The following TMEM45A variants were observed in gnomAD, a reference collection of about 807,000 sequenced individuals.
TMEM45A encodes the protein DNA polymerase-transactivated protein 4.
A neutral mutation model predicts 32.0 loss-of-function variants in TMEM45A; 25 were observed. The ratio of observed to expected loss-of-function variants is 0.78; its 90% confidence interval spans 0.57 to 1.09. The LOEUF (loss-of-function observed/expected upper bound fraction) is 1.09, where lower values mean the gene tolerates loss of function less well. Ranked by LOEUF, TMEM45A falls within the 50% of genes least tolerant of loss-of-function variation. The pLI is 0.00. For synonymous variants in TMEM45A, 122 were observed against 114.8 expected (o/e 1.06, Z -0.40); for missense variants, 302 against 325.0 (o/e 0.93, Z 0.54).
At chr3:100,570,742 A>C (rs536903968) in intron 5 of TMEM45A, 16 of 152,320 alleles carry the variant, frequency 1.1e-4, no homozygotes, top group Non-Finnish European at 2.2e-4. Flanking sequence ...CCTGTTTCAA[A>C]ACGCTTCATA....
At chr3:100,505,440 G>T (rs1708065633) in intron 1 of TMEM45A, among the ~76,000 whole-genome samples, 1 of 152,156 alleles carries the variant, frequency 6.6e-6, no homozygotes, top group African/African-American at 2.4e-5. Flanking sequence ...CTAATTAATT[G>T]CCATGGCAAT....
At position 100,501,233 on chromosome 3, in the gene TMEM45A, C is replaced by T. The variant is rs920275391; in HGVS notation, c.-4+8305C>T. Among the ~76,000 whole-genome samples, 7 of 152,330 alleles carry T rather than the reference C, an allele frequency of 4.6e-5. No individual in the cohort carries two copies. The East Asian group carries it at 1.4e-3, about 29-fold the overall frequency. On this transcript the variant is annotated intron_variant, in intron 1 of 5. Coordinates refer to ENST00000323523, the MANE Select transcript of TMEM45A (RefSeq NM_018004.3). ...AGATAGCACATTGCCCTTGAGAATT[C>T]TACAGACTAGTCCTGTGGTACCTAA... is the stretch of plus-strand genomic sequence containing the variant.
chr3:100,531,836 A>G (rs1329881492), intron 1 of TMEM45A, among the ~76,000 whole-genome samples: 1 of 152,186 alleles, frequency 6.6e-6, no homozygotes, highest in Non-Finnish European at 1.5e-5. Context: ...AGCAAAAATC[A>G]TTTTTTGTTA....
At chr3:100,516,404 G>C (rs541996614) in intron 1 of TMEM45A, among the ~76,000 whole-genome samples, 1 of 152,222 alleles carries the variant, frequency 6.6e-6, no homozygotes, top group Non-Finnish European at 1.5e-5. Flanking sequence ...TGATGAAACT[G>C]CTTCTGTGCC....
chr3:100,509,913 G>A (rs897018365), intron 1 of TMEM45A, among the ~76,000 whole-genome samples: 7 of 152,178 alleles, frequency 4.6e-5, no homozygotes, highest in African/African-American at 1.7e-4. Context: ...TTTCCAACGG[G>A]CTTAAAAAAC....
At chr3:100,547,407 A>G (rs1387782818) in intron 1 of TMEM45A, among the ~76,000 whole-genome samples, 1 of 152,214 alleles carries the variant, frequency 6.6e-6, no homozygotes, top group Non-Finnish European at 1.5e-5. Context: ...GGTGTAAGCC[A>G]CTGCACCTGG....
intron 5 of TMEM45A, 34 bp from the exon 6 acceptor site, chr3:100,576,891 C>A: frequency 6.6e-7 from 1 of 1,504,380 alleles, no homozygotes; most frequent in Non-Finnish European, 9.2e-7. Flanking sequence ...ATTTTAAAAA[C>A]CGTCTAACTT....
rs573608138 is a variant in TMEM45A at position 100,519,839 on chromosome 3, T to C, written c.-4+26911T>C. 2.0e-4 allele frequency among the ~76,000 whole-genome samples: 30 copies of C among 152,358 alleles called. No individual in the cohort carries two copies. The South Asian group carries it at 2.9e-3, about 15-fold the overall frequency. On this transcript the variant is annotated intron_variant, in intron 1 of 5. Transcript: ENST00000323523. ...GTTGGGATCTAGCATTGTGGGTGGATAGGAAGAGTTGATGTTGAAGATATG... is the reference window on the plus strand; with the variant it reads ...GTTGGGATCTAGCATTGTGGGTGGACAGGAAGAGTTGATGTTGAAGATATG...
chr3:100,514,140 G>A (rs1221911324), intron 1 of TMEM45A, among the ~76,000 whole-genome samples: 2 of 152,092 alleles, frequency 1.3e-5, no homozygotes, highest in Middle Eastern at 3.2e-3. Context: ...AAGTTCATAT[G>A]GAACCAAAAA....
intron 1 of TMEM45A, among the ~76,000 whole-genome samples, chr3:100,539,693 A>G (rs1380706809): frequency 6.6e-6 from 1 of 151,984 alleles, no homozygotes; most frequent in Admixed American, 6.6e-5. Flanking sequence ...AGAGACAGTG[A>G]ATTCACCCTT....
At chr3:100,533,878 G>A (rs1705694841) in intron 1 of TMEM45A, among the ~76,000 whole-genome samples, 1 of 152,170 alleles carries the variant, frequency 6.6e-6, no homozygotes, top group Admixed American at 6.5e-5. Flanking sequence ...CATGCCCAAT[G>A]TCAAGCGCAC....
chr3:100,523,320 T>C (rs1705471560), intron 1 of TMEM45A, among the ~76,000 whole-genome samples: 1 of 152,238 alleles, frequency 6.6e-6, no homozygotes, highest in African/African-American at 2.4e-5. Context: ...TATGACTGTG[T>C]GGTACCAGGT....
chr3:100,515,898 A>T (rs143283421), intron 1 of TMEM45A, among the ~76,000 whole-genome samples: 2,082 of 152,276 alleles, frequency 0.014, 17 homozygotes, highest in Non-Finnish European at 0.024. Context: ...ATACATTCAT[A>T]TAGAAAAATA....
At chr3:100,562,473 G>T (rs1706356068) in intron 4 of TMEM45A, among the ~76,000 whole-genome samples, 1 of 152,194 alleles carries the variant, frequency 6.6e-6, no homozygotes, top group African/African-American at 2.4e-5. Context: ...AGGCTCTGGG[G>T]CTGCTAAAGA....
chr3:100,512,680 C>T lies in TMEM45A; in HGVS notation c.-4+19752C>T, dbSNP rs879308465. Among the ~76,000 whole-genome samples the T allele has an allele frequency of 2.2e-3, 330 of 150,724 alleles. 2 individuals are homozygous for T. The highest frequency in any genetic ancestry group is 3.9e-3 in the Non-Finnish European group (263 of 67,318). ...AAAACCCTTCAAAAAATTAATGAAT[C>T]CAGGAGCTGGTTTTTTGAAAGGATC... On this transcript the variant is annotated intron_variant, in intron 1 of 5. Coordinates refer to ENST00000323523, the MANE Select transcript of TMEM45A (RefSeq NM_018004.3).
intron 5 of TMEM45A, chr3:100,572,575 C>A (rs1032220308): frequency 6.6e-6 from 1 of 151,702 alleles, no homozygotes; most frequent in African/African-American, 2.4e-5. Context: ...ATGGTAGTTT[C>A]TTTTGCTGTG....
At chr3:100,507,606 C>G (rs1007334616) in intron 1 of TMEM45A, among the ~76,000 whole-genome samples, 1 of 149,956 alleles carries the variant, frequency 6.7e-6, no homozygotes, top group South Asian at 2.1e-4. Context: ...TTCCCAATGG[C>G]TATTGTACCA....
chr3:100,571,426 A>G (rs1224433164), intron 5 of TMEM45A: 3 of 152,050 alleles, frequency 2.0e-5, no homozygotes, highest in Non-Finnish European at 4.4e-5. Context: ...ATATTGAAAA[A>G]TTTATTAATT....
chr3:100,561,487 T>C (rs1706329867), intron 4 of TMEM45A, among the ~76,000 whole-genome samples: 1 of 152,162 alleles, frequency 6.6e-6, no homozygotes, highest in African/African-American at 2.4e-5. Context: ...AATGATTGGG[T>C]AATACGTAAA....
Sources: allele counts gnomAD v4.1 joint callset (sites outside exome capture counted in the v4.1 genomes callset), GRCh38; gene constraint gnomAD v4.1.1; transcripts MANE v1.5; gene names NCBI Gene and HGNC (gene_info 2026-07-23, HGNC 2026-07-21).